Variants in TENM3 observed in about 807,000 individuals in gnomAD.
TENM3 encodes teneurin-3.
A neutral mutation model predicts 255.1 loss-of-function variants in TENM3; 63 were observed. The observed-to-expected ratio is 0.25, with a 90% CI of 0.20 to 0.30. The LOEUF (loss-of-function observed/expected upper bound fraction) is 0.30. Ranked by LOEUF, TENM3 falls within the 10% of genes least tolerant of loss-of-function variation. The pLI is 1.00. For missense variants in TENM3, 2,929 were observed against 3,461.1 expected (o/e 0.85, Z 3.86); for synonymous variants, 1,306 against 1,322.3 (o/e 0.99, Z 0.27).
the TENM3 span, among the ~76,000 whole-genome samples, chr4:181,615,052 G>C: frequency 6.6e-6 from 1 of 152,180 alleles, no homozygotes; most frequent in African/African-American, 2.4e-5. Flanking sequence ...ACAGCTTGCT[G>C]CTGAATGTCT....
the TENM3 span, among the ~76,000 whole-genome samples, chr4:181,810,527 C>T: frequency 6.6e-6 from 1 of 151,922 alleles, no homozygotes; most frequent in Admixed American, 6.6e-5. Flanking sequence ...TTAGAATCAA[C>T]AAATGTTTTT....
At chr4:181,699,604 G>A in the TENM3 span, among the ~76,000 whole-genome samples, 2 of 151,874 alleles carry the variant, frequency 1.3e-5, no homozygotes, top group Non-Finnish European at 2.9e-5. Context: ...CTTTAAATTG[G>A]GAAGGAGATT....
At chr4:181,694,355 C>T in the TENM3 span, among the ~76,000 whole-genome samples, 3 of 152,178 alleles carry the variant, frequency 2.0e-5, no homozygotes, top group South Asian at 2.1e-4. Context: ...TATGTACTGC[C>T]GCACAAACCT....
chr4:182,232,358 T>G (rs564325790), intron 1 of TENM3, among the ~76,000 whole-genome samples: 2 of 152,152 alleles, frequency 1.3e-5, no homozygotes, highest in Non-Finnish European at 2.9e-5. Context: ...ATCAGATATA[T>G]GGGAACTTTA....
At chr4:182,242,439 T>G (rs1275683650), upstream of TENM3, among the ~76,000 whole-genome samples, 1 of 152,150 alleles carries the variant, frequency 6.6e-6, no homozygotes, top group Non-Finnish European at 1.5e-5. Flanking sequence ...GTGCCACATT[T>G]TCTTAATCCA....
At chr4:181,641,489 C>T in the TENM3 span, among the ~76,000 whole-genome samples, 1 of 138,788 alleles carries the variant, frequency 7.2e-6, no homozygotes, top group Non-Finnish European at 1.5e-5. Context: ...CAGCTTTATC[C>T]ACGTCCCTGC....
chr4:182,692,660 T>C (rs1757095877), intron 12 of TENM3, among the ~76,000 whole-genome samples: 1 of 152,204 alleles, frequency 6.6e-6, no homozygotes. Context: ...TATAAATGTT[T>C]GTTAGATATA....
the TENM3 span, among the ~76,000 whole-genome samples, chr4:182,018,825 T>C: frequency 6.6e-6 from 1 of 152,198 alleles, no homozygotes; most frequent in Admixed American, 6.5e-5. Context: ...ACATGGTACA[T>C]AACCTCATCT....
At chr4:182,347,857 A>G (rs1215294992) in intron 3 of TENM3, among the ~76,000 whole-genome samples, 1 of 152,202 alleles carries the variant, frequency 6.6e-6, no homozygotes, top group East Asian at 1.9e-4. Context: ...CTATGCATCA[A>G]AAAGCAAAGA....
intron 3 of TENM3, among the ~76,000 whole-genome samples, chr4:182,535,404 A>G (rs1740203877): frequency 6.6e-6 from 1 of 152,210 alleles, no homozygotes; most frequent in Non-Finnish European, 1.5e-5. Context: ...TGCTTAGGCC[A>G]GGATTTGGGC....
At chr4:182,449,136 C>T (rs1773219614) in intron 3 of TENM3, 1 of 205,334 alleles carries the variant, frequency 4.9e-6, no homozygotes, top group Non-Finnish European at 9.5e-6. Context: ...CGGAGCGCGG[C>T]TCCCGGTGAG....
At chr4:182,130,263 G>A in the TENM3 span, among the ~76,000 whole-genome samples, 63,031 of 151,812 alleles carry the variant, frequency 0.42, 13,297 homozygotes, top group Admixed American at 0.5. Context: ...AATACTATAC[G>A]GCAAAGTAAT....
chr4:182,421,144 A>T (rs547000463), intron 3 of TENM3, among the ~76,000 whole-genome samples: 2 of 152,282 alleles, frequency 1.3e-5, no homozygotes, highest in South Asian at 4.1e-4. Context: ...ACTAATCAAA[A>T]TCCACATTTC....
chr4:181,901,017 T>G, the TENM3 span, among the ~76,000 whole-genome samples: 1 of 152,192 alleles, frequency 6.6e-6, no homozygotes, highest in Non-Finnish European at 1.5e-5. Flanking sequence ...GAGCCCAATT[T>G]TTAGTACAGA....
chr4:182,006,667 C>CA, the TENM3 span, among the ~76,000 whole-genome samples: 191 of 148,076 alleles, frequency 1.3e-3, 2 homozygotes, highest in African/African-American at 2.0e-3. Context: ...TTAATTTTTT[C>CA]AAAAAAAAAC....
chr4:182,574,595 T>C (rs1208687076), intron 3 of TENM3, among the ~76,000 whole-genome samples: 6 of 152,158 alleles, frequency 3.9e-5, no homozygotes, highest in Admixed American at 2.0e-4. Context: ...TTAAAATGTA[T>C]TATTTTGGCC....
intron 4 of TENM3, among the ~76,000 whole-genome samples, chr4:182,615,069 A>ATAT (rs1202422295): frequency 1.8e-4 from 24 of 130,370 alleles, no homozygotes; most frequent in Admixed American, 1.5e-3. Context: ...ATATATATGT[A>ATAT]TTTTTTTTTT....
intron 1 of TENM3, among the ~76,000 whole-genome samples, chr4:182,253,199 T>C (rs1448053356): frequency 6.6e-6 from 1 of 152,150 alleles, no homozygotes; most frequent in African/African-American, 2.4e-5. Flanking sequence ...AGGCCGGGTG[T>C]GGTGGCTCAC....
chr4:181,948,780 C>T, the TENM3 span, among the ~76,000 whole-genome samples: 3 of 152,078 alleles, frequency 2.0e-5, no homozygotes, highest in Non-Finnish European at 4.4e-5. Flanking sequence ...AGTACCCCCA[C>T]CCCCACTGTC....
Sources: allele counts gnomAD v4.1 joint callset (sites outside exome capture counted in the v4.1 genomes callset), GRCh38; gene constraint gnomAD v4.1.1; transcripts MANE v1.5; gene names NCBI Gene and HGNC (gene_info 2026-07-23, HGNC 2026-07-21).